The following GALNTL6 variants were observed in gnomAD, a reference collection of about 807,000 sequenced individuals.
GALNTL6 encodes polypeptide N-acetylgalactosaminyltransferase-like 6.
A neutral mutation model predicts 73.7 loss-of-function variants in GALNTL6; 46 were observed. The observed-to-expected ratio is 0.62, with a 90% CI of 0.49 to 0.80. The LOEUF (loss-of-function observed/expected upper bound fraction) is 0.80. Among genes scored for constraint, GALNTL6 ranks in the 30% least tolerant of loss-of-function variants. The probability of loss-of-function intolerance (pLI) is 0.00; values close to 1 mark genes in which losing one functional copy is unlikely to be tolerated. For missense variants in GALNTL6, 604 were observed against 755.0 expected, an observed-to-expected ratio of 0.80 and a Z score of 2.34; for synonymous variants, 259 against 263.7, an observed-to-expected ratio of 0.98 and a Z score of 0.17.
chr4:172,171,674 C>CAA lies in GALNTL6; in HGVS notation c.139-57967_139-57966dup, dbSNP rs557479024. On this transcript the variant is annotated intron_variant, in intron 2 of 12. Coordinates refer to ENST00000506823, the MANE Select transcript of GALNTL6 (RefSeq NM_001034845.3). ...TGAAACTTCGTCTCTATCAAAAATACAAAAAAAAAAAAAAAATTAGCCGGG... is the reference window on the plus strand; with the variant it reads ...TGAAACTTCGTCTCTATCAAAAATACAAAAAAAAAAAAAAAAAATTAGCCGGG... Among the ~76,000 whole-genome samples, 886 of 126,614 alleles carry CAA rather than the reference C, an allele frequency of 7.0e-3. 6 individuals carry two copies. Among genetic ancestry groups the CAA allele is most frequent in the African/African-American group, 0.023 (764 of 33,838 alleles). 83.1% of individuals were successfully genotyped at this position (126,614 alleles called of 152,430 possible). A position where few individuals can be genotyped will look rare whatever the true frequency, so the allele number is the denominator to read the frequency against.
intron 5 of GALNTL6, among the ~76,000 whole-genome samples, chr4:172,467,907 T>A (rs1371455400): frequency 6.7e-6 from 1 of 149,686 alleles, no homozygotes; most frequent in Non-Finnish European, 1.5e-5. Context: ...TTTTTTTTTT[T>A]TACTTGAGGC....
chr4:172,613,955 G>A (rs1738622583), intron 5 of GALNTL6, among the ~76,000 whole-genome samples: 1 of 152,046 alleles, frequency 6.6e-6, no homozygotes. Context: ...TTTCTTCCAA[G>A]TATTACCCTT....
chr4:172,317,524 T>A (rs1201757201), intron 4 of GALNTL6, among the ~76,000 whole-genome samples: 1 of 152,258 alleles, frequency 6.6e-6, no homozygotes, highest in Non-Finnish European at 1.5e-5. Flanking sequence ...TAAGGAGACC[T>A]AGTGTATTCT....
intron 2 of GALNTL6, among the ~76,000 whole-genome samples, chr4:171,824,957 G>A (rs1322230001): frequency 6.6e-6 from 1 of 152,136 alleles, no homozygotes; most frequent in African/African-American, 2.4e-5. Context: ...TTTCAACAGA[G>A]AATGTAGCTC....
intron 2 of GALNTL6, among the ~76,000 whole-genome samples, chr4:172,022,390 A>T (rs994130120): frequency 6.6e-6 from 1 of 151,904 alleles, no homozygotes; most frequent in South Asian, 2.1e-4. Flanking sequence ...TGATCTTCTC[A>T]TTTTCAGTAA....
At chr4:172,275,849 C>T (rs1438550178) in intron 3 of GALNTL6, among the ~76,000 whole-genome samples, 2 of 152,004 alleles carry the variant, frequency 1.3e-5, no homozygotes, top group Non-Finnish European at 2.9e-5. Context: ...TCCAGCTACT[C>T]GTGTGGCTGA....
intron 5 of GALNTL6, among the ~76,000 whole-genome samples, chr4:172,705,315 G>T (rs1734279187): frequency 6.9e-6 from 1 of 145,954 alleles, no homozygotes; most frequent in Admixed American, 6.8e-5. Context: ...TCAATTTCTT[G>T]CGTTTGCTTT....
At chr4:172,742,345 G>A (rs1736855386) in intron 5 of GALNTL6, among the ~76,000 whole-genome samples, 1 of 151,628 alleles carries the variant, frequency 6.6e-6, no homozygotes, top group Non-Finnish European at 1.5e-5. Flanking sequence ...CTCCCTACCT[G>A]CAATATGTCA....
At chr4:172,105,025 T>A (rs186279112) in intron 2 of GALNTL6, among the ~76,000 whole-genome samples, 1 of 151,814 alleles carries the variant, frequency 6.6e-6, no homozygotes, top group Admixed American at 6.6e-5. Context: ...TCATAAATAG[T>A]CACATGGATT....
rs556484300 is a variant in GALNTL6 at position 172,253,166 on chromosome 4, A to T, written c.247+23402A>T. Among the ~76,000 whole-genome samples the T allele has an allele frequency of 2.0e-5, 3 of 152,130 alleles. No homozygotes were observed. The South Asian group carries it at 6.2e-4, about 32-fold the overall frequency. ...TCAGAATAAAGATGTTGTATTTTAAATTTTAAATTAAAAATGGCAGTAAAC... is the reference window on the plus strand; with the variant it reads ...TCAGAATAAAGATGTTGTATTTTAATTTTTAAATTAAAAATGGCAGTAAAC... On this transcript the variant is annotated intron_variant, in intron 3 of 12. Coordinates refer to ENST00000506823, the MANE Select transcript of GALNTL6 (RefSeq NM_001034845.3).
chr4:171,912,682 C>T (rs553803184), intron 2 of GALNTL6, among the ~76,000 whole-genome samples: 4 of 152,134 alleles, frequency 2.6e-5, no homozygotes, highest in Non-Finnish European at 5.9e-5. Context: ...TGGTCCCCAA[C>T]TTTTCTTCAC....
At chr4:172,785,881 T>C (rs1252523101) in intron 5 of GALNTL6, among the ~76,000 whole-genome samples, 2 of 152,220 alleles carry the variant, frequency 1.3e-5, no homozygotes, top group East Asian at 1.9e-4. Context: ...GTGTTTCTTA[T>C]AATTTATTTC....
At chr4:171,986,621 G>A (rs1051272542) in intron 2 of GALNTL6, among the ~76,000 whole-genome samples, 1 of 152,162 alleles carries the variant, frequency 6.6e-6, no homozygotes, top group African/African-American at 2.4e-5. Flanking sequence ...CCTAGAGTGG[G>A]AGAGATTAAG....
intron 2 of GALNTL6, among the ~76,000 whole-genome samples, chr4:172,064,975 A>G (rs1731316004): frequency 6.6e-6 from 1 of 152,176 alleles, no homozygotes; most frequent in African/African-American, 2.4e-5. Flanking sequence ...CTGTTATGTT[A>G]AAAGTAGTCA....
chr4:172,804,840 T>C (rs771509446), intron 5 of GALNTL6, among the ~76,000 whole-genome samples: 14 of 152,236 alleles, frequency 9.2e-5, no homozygotes, highest in Non-Finnish European at 1.8e-4. Flanking sequence ...CAAGATCAGA[T>C]GGATCCCATA....
At position 172,590,811 on chromosome 4, in the gene GALNTL6, AG is replaced by A. The variant is rs543132832; in HGVS notation, c.554-218547del. ...GAAAATTCAACACTTTTCTGACAAA[AG>A]GGAGTAATAATAGCTCCTGTAAAAT... is the stretch of plus-strand genomic sequence containing the variant. On this transcript the variant is annotated intron_variant, in intron 5 of 12. Coordinates refer to ENST00000506823, the MANE Select transcript of GALNTL6 (RefSeq NM_001034845.3). 2.1e-3 allele frequency among the ~76,000 whole-genome samples: 320 copies of A among 152,286 alleles called. 2 individuals carry two copies. The highest frequency in any genetic ancestry group is 3.6e-3 in the Non-Finnish European group (247 of 68,018).
chr4:172,015,869 A>G (rs1033989809), intron 2 of GALNTL6, among the ~76,000 whole-genome samples: 7 of 149,420 alleles, frequency 4.7e-5, no homozygotes, highest in Admixed American at 6.7e-5. Flanking sequence ...TAGGACCCCA[A>G]TCCCTTCTGG....
At chr4:173,033,933 T>C (rs1475904317) in intron 12 of GALNTL6, among the ~76,000 whole-genome samples, 1 of 152,176 alleles carries the variant, frequency 6.6e-6, no homozygotes, top group African/African-American at 2.4e-5. Context: ...CCAGTCTATA[T>C]CTAACTGCTC....
chr4:172,758,032 C>A (rs934442296), intron 5 of GALNTL6, among the ~76,000 whole-genome samples: 1 of 152,122 alleles, frequency 6.6e-6, no homozygotes, highest in Admixed American at 6.5e-5. Flanking sequence ...CTAAACACAA[C>A]CCCACTGCAG....
Sources: allele counts gnomAD v4.1 joint callset (sites outside exome capture counted in the v4.1 genomes callset), GRCh38; gene constraint gnomAD v4.1.1; transcripts MANE v1.5; gene names NCBI Gene and HGNC (gene_info 2026-07-23, HGNC 2026-07-21).